Variants in THSD7B observed in about 807,000 individuals in gnomAD.
THSD7B encodes thrombospondin type 1 domain containing 7B, also known as thrombospondin type-1 domain-containing protein 7B.
In THSD7B, 138 loss-of-function variants were observed where a neutral mutation model predicts 213.6. The observed-to-expected ratio is 0.65, with a 90% CI of 0.56 to 0.74. The LOEUF is 0.74. Ranked by LOEUF, THSD7B falls within the 30% of genes least tolerant of loss-of-function variation. THSD7B has a pLI of 0.00. For missense variants in THSD7B, 1,931 were observed against 1,991.5 expected (o/e 0.97, Z 0.58); for synonymous variants, 742 against 687.0 (o/e 1.08, Z -1.25).
Position 137,515,029 on chromosome 2 carries a change from G to A in THSD7B, c.3139-48192G>A, listed in dbSNP as rs911587968. Among the ~76,000 whole-genome samples the A allele has an allele frequency of 3.3e-5, 5 of 152,284 alleles. No individual in the cohort carries two copies. The East Asian group carries it at 7.7e-4, about 24-fold the overall frequency. ...GAGTCTTATCTCCTGTAGAGAAAGC[G>A]CTGAAATTTTGGAACACCAGACACA... is the stretch of plus-strand genomic sequence containing the variant. On this transcript the variant is annotated intron_variant, in intron 15 of 27. Coordinates refer to ENST00000409968, the MANE Select transcript of THSD7B (RefSeq NM_001316349.2).
chr2:137,599,152 C>T (rs1380464638), intron 17 of THSD7B, among the ~76,000 whole-genome samples: 9 of 149,534 alleles, frequency 6.0e-5, no homozygotes, highest in Non-Finnish European at 7.4e-5. Flanking sequence ...TTTTTTCTTG[C>T]GATAGTTTAC....
intron 15 of THSD7B, among the ~76,000 whole-genome samples, chr2:137,481,993 C>T (rs1030718301): frequency 9.2e-5 from 14 of 151,972 alleles, no homozygotes; most frequent in African/African-American, 1.5e-4. Context: ...CCGGCTAATA[C>T]GGTGAAACCC....
intron 2 of THSD7B, among the ~76,000 whole-genome samples, chr2:136,958,620 T>TG (rs1685165462): frequency 6.6e-6 from 1 of 152,138 alleles, no homozygotes; most frequent in African/African-American, 2.4e-5. Context: ...TTGAGGGAAT[T>TG]GGGGAAGTTT....
Position 137,321,892 on chromosome 2 carries a change from AG to A in THSD7B, c.2500+45868del, listed in dbSNP as rs1241451819. ...TAATTAACTTCTGTGCCTTGTGAGC[AG>A]GAAAGCAGCATCAGCTATATAGTGA... On this transcript the variant is annotated intron_variant, in intron 12 of 27. Coordinates refer to ENST00000409968, the MANE Select transcript of THSD7B (RefSeq NM_001316349.2). 1.5e-3 allele frequency among the ~76,000 whole-genome samples: 221 copies of A among 152,328 alleles called. 1 individual carries two copies. Among genetic ancestry groups the A allele is most frequent in the Non-Finnish European group, 2.2e-3 (153 of 68,034 alleles).
chr2:137,031,908 C>T (rs1024773523), intron 2 of THSD7B, among the ~76,000 whole-genome samples: 4 of 150,358 alleles, frequency 2.7e-5, no homozygotes, highest in African/African-American at 7.3e-5. Flanking sequence ...GTGACATGCT[C>T]ACCGCTCACT....
At chr2:137,136,046 A>C (rs1339790184) in intron 5 of THSD7B, among the ~76,000 whole-genome samples, 1 of 152,148 alleles carries the variant, frequency 6.6e-6, no homozygotes, top group Non-Finnish European at 1.5e-5. Context: ...GCAAACTGAC[A>C]CAAGAACAGG....
At chr2:137,671,245 TTTA>T (rs1362413227) in intron 27 of THSD7B, among the ~76,000 whole-genome samples, 4 of 40,718 alleles carry the variant, frequency 9.8e-5, no homozygotes, top group Admixed American at 3.6e-4. Context: ...CTTTTTTTTT[TTTA>T]AAAAAAAAAA....
chr2:136,837,421 T>C (rs1031516180), intron 1 of THSD7B, among the ~76,000 whole-genome samples: 1 of 152,216 alleles, frequency 6.6e-6, no homozygotes, highest in African/African-American at 2.4e-5. Context: ...CCCAGATACA[T>C]GCATGACATA....
At position 136,984,900 on chromosome 2, in the gene THSD7B, C is replaced by T. The variant is rs558263761; in HGVS notation, c.140-71520C>T. 2.6e-5 allele frequency among the ~76,000 whole-genome samples: 4 copies of T among 152,222 alleles called. 1 individual carries two copies. Among genetic ancestry groups the T allele is most frequent in the South Asian group, 2.1e-4 (1 of 4,820 alleles). ...AGTTATTGGGAAGGGGAGTGAAGAT[C>T]GCCCATGTATACCTTAGCAGAGAAC... On this transcript the variant is annotated intron_variant, in intron 2 of 27. Coordinates refer to ENST00000409968, the MANE Select transcript of THSD7B (RefSeq NM_001316349.2).
chr2:137,207,842 G>C (rs6710193), intron 7 of THSD7B, among the ~76,000 whole-genome samples: 90,341 of 151,904 alleles, frequency 0.59, 27,251 homozygotes, highest in South Asian at 0.71. Flanking sequence ...ATCACTGTCT[G>C]ATTTGTGCCA....
At chr2:137,384,563 A>T (rs1414518568) in intron 12 of THSD7B, among the ~76,000 whole-genome samples, 2 of 152,096 alleles carry the variant, frequency 1.3e-5, no homozygotes, top group African/African-American at 2.4e-5. Flanking sequence ...ACTTCCCCTG[A>T]CTCAGGACTT....
At chr2:137,042,119 T>C (rs1392560914) in intron 2 of THSD7B, among the ~76,000 whole-genome samples, 1 of 152,228 alleles carries the variant, frequency 6.6e-6, no homozygotes, top group Non-Finnish European at 1.5e-5. Flanking sequence ...GCGTTCTACC[T>C]TCACATTTAT....
chr2:136,769,754 AAAAG>A (rs1157607637), intron 1 of THSD7B, among the ~76,000 whole-genome samples: 9 of 152,188 alleles, frequency 5.9e-5, no homozygotes, highest in African/African-American at 2.2e-4. Flanking sequence ...TTTGACGTTA[AAAAG>A]AAGAGGTCCA....
At chr2:137,309,353 AG>A (rs1390692009) in intron 12 of THSD7B, among the ~76,000 whole-genome samples, 50 of 151,968 alleles carry the variant, frequency 3.3e-4, no homozygotes, top group Non-Finnish European at 5.7e-4. Context: ...TAAAAGACAT[AG>A]TTGGCATACT....
intron 3 of THSD7B, among the ~76,000 whole-genome samples, chr2:137,077,958 G>A (rs949067483): frequency 2.8e-4 from 42 of 152,112 alleles, no homozygotes; most frequent in African/African-American, 8.9e-4. Context: ...TATGGTTTCA[G>A]GTGTAACATT....
At chr2:137,251,993 G>A (rs368828997) in intron 10 of THSD7B, among the ~76,000 whole-genome samples, 5 of 152,110 alleles carry the variant, frequency 3.3e-5, no homozygotes. Context: ...TCTTGGCTGG[G>A]CGCAGTGGCT....
At chr2:136,984,718 G>A (rs1419437797) in intron 2 of THSD7B, among the ~76,000 whole-genome samples, 1 of 152,142 alleles carries the variant, frequency 6.6e-6, no homozygotes, top group East Asian at 1.9e-4. Flanking sequence ...CTGGGTAATG[G>A]GCAGAAGTTG....
At chr2:136,862,225 A>G (rs954859997) in intron 1 of THSD7B, among the ~76,000 whole-genome samples, 2 of 152,186 alleles carry the variant, frequency 1.3e-5, no homozygotes, top group African/African-American at 4.8e-5. Context: ...GCTGGCTGCC[A>G]TAGTCTGTCC....
chr2:136,933,947 G>T (rs543025625), intron 2 of THSD7B, among the ~76,000 whole-genome samples: 2 of 152,202 alleles, frequency 1.3e-5, no homozygotes, highest in Admixed American at 6.5e-5. Context: ...ATTAACTGAG[G>T]TTCCCAAGCT....
Sources: gnomAD v4.1 joint callset for allele counts (sites outside exome capture counted in the v4.1 genomes callset) on GRCh38, gnomAD v4.1.1 for gene constraint, MANE v1.5 for transcripts, NCBI Gene and HGNC (gene_info 2026-07-23, HGNC 2026-07-21) for gene names.